The following STPG4 variants were observed in gnomAD, a reference collection of about 807,000 sequenced individuals.
STPG4 encodes protein STPG4.
STPG4 carries 41 observed loss-of-function variants against 31.5 expected under a neutral mutation model. That is an observed-to-expected ratio of 1.30 (90% CI 1.01 to 1.69). The LOEUF (loss-of-function observed/expected upper bound fraction) is 1.69. Among genes scored for constraint, STPG4 ranks in the 40% most tolerant of loss-of-function variants. The pLI, the probability that STPG4 is intolerant of heterozygous loss-of-function variation, is 0.00. For synonymous variants in STPG4, 141 were observed against 103.0 expected (o/e 1.37, Z -2.24); for missense variants, 375 against 293.4 (o/e 1.28, Z -2.03).
Position 47,151,492 on chromosome 2 carries a change from G to A in STPG4, c.165C>T (p.Tyr55=), listed in dbSNP as rs1333889531. 2 of 1,613,906 alleles carry A rather than the reference G, an allele frequency of 1.2e-6. No homozygotes were observed. The highest frequency in any genetic ancestry group is 1.7e-5 in the Admixed American group (1 of 60,022). Reference sequence around the variant, plus strand: ...ATTCTTCAATAAAAGTTTTCAAGTGGTAAGTGCCAGGTATAGGAGTATCCT... The same window carrying A: ...ATTCTTCAATAAAAGTTTTCAAGTGATAAGTGCCAGGTATAGGAGTATCCT... The part of the protein sequence containing the change: ...ALTDTPIPGT[Y]HLKTFIEESL... Residue 55 remains tyrosine, a synonymous_variant, in exon 3 of 7, where the codon TAC becomes TAT. Transcript: ENST00000445927.
At chr2:47,109,844 G>A (rs569394203) in intron 5 of STPG4, among the ~76,000 whole-genome samples, 11 of 152,096 alleles carry the variant, frequency 7.2e-5, no homozygotes, top group African/African-American at 1.4e-4. Flanking sequence ...GAATGATTCC[G>A]CAGCGTTTCA....
intron 5 of STPG4, among the ~76,000 whole-genome samples, chr2:47,092,265 C>T (rs1339789562): frequency 4.0e-5 from 6 of 149,484 alleles, no homozygotes; most frequent in Non-Finnish European, 8.9e-5. Flanking sequence ...CATGGTGGCT[C>T]ACGCCTGTAA....
intron 3 of STPG4, among the ~76,000 whole-genome samples, chr2:47,132,975 A>G (rs1372921980): frequency 1.3e-5 from 2 of 152,162 alleles, no homozygotes; most frequent in Non-Finnish European, 1.5e-5. Flanking sequence ...TTGTCCTACT[A>G]TACTTGGCAT....
Position 47,120,104 on chromosome 2 carries a change from G to C in STPG4, c.519+9837C>G, listed in dbSNP as rs1415852968. On this transcript the variant is annotated intron_variant, in intron 5 of 6. Coordinates refer to ENST00000445927, the MANE Select transcript of STPG4 (RefSeq NM_001163561.2). ...CCAGCCCTTTGGGAGGCTAACGTGG[G>C]TGGATCACTTAAGGTCAGGAGGTCA... 2.0e-5 allele frequency among the ~76,000 whole-genome samples: 3 copies of C among 152,308 alleles called. No individual in the cohort carries two copies. In the South Asian group the frequency reaches 6.2e-4, roughly 32 times the overall value.
chr2:47,106,670 G>T (rs1174962278), intron 5 of STPG4, among the ~76,000 whole-genome samples: 1 of 151,890 alleles, frequency 6.6e-6, no homozygotes, highest in African/African-American at 2.4e-5. Context: ...AGGATAGTAT[G>T]AGATACCGCC....
intron 3 of STPG4, among the ~76,000 whole-genome samples, chr2:47,138,881 C>A (rs182239043): frequency 6.6e-6 from 1 of 152,226 alleles, no homozygotes; most frequent in African/African-American, 2.4e-5. Flanking sequence ...GACGGGGTTT[C>A]ACCATGTTGG....
intron 1 of STPG4, among the ~76,000 whole-genome samples, chr2:47,153,722 G>A (rs946249045): frequency 6.6e-6 from 1 of 152,066 alleles, no homozygotes; most frequent in African/African-American, 2.4e-5. Flanking sequence ...GCAGTGGGCC[G>A]AGATCACATC....
intron 3 of STPG4, among the ~76,000 whole-genome samples, chr2:47,139,859 T>G (rs1686669421): frequency 6.6e-6 from 1 of 152,112 alleles, no homozygotes. Flanking sequence ...CACTGCACCC[T>G]CCGCCTCCTG....
At chr2:47,152,892 TA>T in intron 2 of STPG4, 64 bp downstream of exon 2, 3 of 1,195,708 alleles carry the variant, frequency 2.5e-6, no homozygotes, top group Non-Finnish European at 3.6e-6. Context: ...TTAAAAGCTA[TA>T]ATTGATTAAA....
intron 5 of STPG4, among the ~76,000 whole-genome samples, chr2:47,126,392 C>T (rs145315981): frequency 2.0e-5 from 3 of 152,234 alleles, no homozygotes; most frequent in African/African-American, 7.2e-5. Context: ...GTGGCACACA[C>T]ATGGCTCACT....
intron 3 of STPG4, among the ~76,000 whole-genome samples, chr2:47,149,361 A>C (rs536380655): frequency 4.1e-4 from 62 of 152,322 alleles, no homozygotes; most frequent in African/African-American, 1.4e-3. Flanking sequence ...TGTAAAAGCG[A>C]GAAGAGAGGA....
At chr2:47,154,309 C>G (rs1686988099) in intron 1 of STPG4, among the ~76,000 whole-genome samples, 1 of 152,178 alleles carries the variant, frequency 6.6e-6, no homozygotes, top group South Asian at 2.1e-4. Context: ...GTTGAATCTT[C>G]TCTGTTGCAC....
intron 5 of STPG4, among the ~76,000 whole-genome samples, chr2:47,114,407 T>C: frequency 6.6e-6 from 1 of 151,990 alleles, no homozygotes; most frequent in Non-Finnish European, 1.5e-5. Flanking sequence ...CTCGGGATGT[T>C]GAGGCAAGAG....
At chr2:47,116,132 G>C (rs1312299103) in intron 5 of STPG4, among the ~76,000 whole-genome samples, 1 of 152,148 alleles carries the variant, frequency 6.6e-6, no homozygotes, top group Non-Finnish European at 1.5e-5. Flanking sequence ...CCAATCTTTT[G>C]CCCAAGGGGC....
At position 47,086,991 on chromosome 2, in the gene STPG4, T is replaced by G; in HGVS notation, c.*17A>C. On this transcript the variant is annotated 3_prime_UTR_variant, in exon 7 of 7. Transcript: ENST00000445927. The stretch of plus-strand genomic sequence containing the variant: ...AACGTACTAAACCTCAAAGTAGAGC[T>G]TGGTGCCAAGATCACTTTATTTTAA... 1 of 1,551,560 alleles carries G rather than the reference T, an allele frequency of 6.4e-7. No homozygotes were observed. Among genetic ancestry groups the G allele is most frequent in the South Asian group, 1.2e-5 (1 of 84,064 alleles).
At chr2:47,131,888 C>T (rs1005713391) in intron 3 of STPG4, among the ~76,000 whole-genome samples, 11 of 152,052 alleles carry the variant, frequency 7.2e-5, no homozygotes, top group African/African-American at 2.7e-4. Flanking sequence ...TTAAAATAGA[C>T]AGGAGAGGCT....
intron 5 of STPG4, among the ~76,000 whole-genome samples, chr2:47,092,423 G>A (rs1348754661): frequency 6.6e-6 from 1 of 150,952 alleles, no homozygotes; most frequent in East Asian, 2.0e-4. Context: ...AGCTACTTGG[G>A]AGGCTGAGGT....
chr2:47,101,481 C>T (rs1685798304), intron 5 of STPG4, among the ~76,000 whole-genome samples: 1 of 151,782 alleles, frequency 6.6e-6, no homozygotes, highest in Non-Finnish European at 1.5e-5. Context: ...CTAAGGCCTG[C>T]CACACAAACT....
intron 6 of STPG4, among the ~76,000 whole-genome samples, chr2:47,088,045 A>C (rs950225661): frequency 6.6e-5 from 10 of 151,550 alleles, no homozygotes; most frequent in African/African-American, 2.4e-4. Flanking sequence ...GAGCCACAGC[A>C]CCCAGCCGGG....
Sources: gnomAD v4.1 joint callset for allele counts (sites outside exome capture counted in the v4.1 genomes callset) on GRCh38, gnomAD v4.1.1 for gene constraint, MANE v1.5 for transcripts, NCBI Gene and HGNC (gene_info 2026-07-23, HGNC 2026-07-21) for gene names.